Variants in TMED1 observed in about 807,000 individuals in gnomAD.
The protein encoded by TMED1 is transmembrane p24 trafficking protein 1.
Under a neutral mutation model 21.2 loss-of-function variants are expected in TMED1, and 20 were observed. That is an observed-to-expected ratio of 0.95 (90% CI 0.67 to 1.37). The LOEUF (loss-of-function observed/expected upper bound fraction) is 1.37. Among genes scored for constraint, TMED1 ranks in the 40% most tolerant of loss-of-function variants. The pLI, the probability that TMED1 is intolerant of heterozygous loss-of-function variation, is 0.00. For synonymous variants in TMED1, 149 were observed against 134.7 expected (o/e 1.11, Z -0.74); for missense variants, 316 against 309.8 (o/e 1.02, Z -0.15).
chr19:10,833,232 G>T lies in TMED1; in HGVS notation c.466-19C>A. 1 of 1,595,032 alleles carries T rather than the reference G, an allele frequency of 6.3e-7. No homozygotes were observed. On this transcript the variant is annotated intron_variant, in intron 3 of 3. Transcript: ENST00000214869. Reference sequence around the variant, plus strand: ...TGGACTCCTACAGGGCAGCGGGAGGGGAAGGGTCAGGCCTCCCTCCACCCA... The same window carrying T: ...TGGACTCCTACAGGGCAGCGGGAGGTGAAGGGTCAGGCCTCCCTCCACCCA...
In TMED1 at chr19:10,833,063, G is replaced by C; in HGVS notation, c.616C>G (p.Leu206Val). ...GTGCAGACCTGCAGCACAGCCACCA[G>C]CAGCAGCACCGCCACGTTGACAGCT... ...WSAVNVAVLL[L>V]VAVLQVCTLK... The change falls in exon 4 of 4, where the codon CTG becomes GTG. Residue 206 changes from leucine to valine, a missense_variant. Coordinates refer to ENST00000214869, the MANE Select transcript of TMED1 (RefSeq NM_006858.4). 6.2e-7 allele frequency: 1 copy of C among 1,613,980 alleles called. No individual in the cohort carries two copies. Among genetic ancestry groups the C allele is most frequent in the Non-Finnish European group, 8.5e-7 (1 of 1,180,048 alleles).
Position 10,836,177 on chromosome 19 carries a change from G to T in TMED1, c.15C>A (p.Gly5=). The change falls in exon 1 of 4, where the codon GGC becomes GGA. Residue 5 remains glycine, a synonymous_variant. Transcript: ENST00000214869. MMAA[G]AALALALWLL... is the part of the protein sequence containing the mutation. ...GCCACAAGGCCAGGGCTAGGGCCGC[G>T]CCGGCCGCCATCATCCGGGTCACCC... The T allele has an allele frequency of 6.4e-7, 1 of 1,551,894 alleles. No homozygotes were observed.
Position 10,832,191 on chromosome 19 carries a change from C to A in TMED1, c.*804G>T. ...TGGTGAAGCGGGGACCCCAGCGCTC[C>A]ACCCCCTTCCTACCCTCAGGCCCTG... is the stretch of plus-strand genomic sequence containing the variant. On this transcript the variant is annotated 3_prime_UTR_variant, in exon 4 of 4. Coordinates refer to ENST00000214869, the MANE Select transcript of TMED1 (RefSeq NM_006858.4). 1 of 968,974 alleles carries A rather than the reference C, an allele frequency of 1.0e-6. No homozygotes were observed. Among genetic ancestry groups the A allele is most frequent in the Non-Finnish European group, 1.4e-6 (1 of 698,920 alleles). The allele number at this position is 968,974 out of a possible 1,614,324, so 60.0% of individuals were successfully genotyped here.
chr19:10,834,968 T>G lies in TMED1; in HGVS notation c.431A>C (p.Glu144Ala), dbSNP rs1398407071. The G allele has an allele frequency of 1.9e-6, 3 of 1,614,132 alleles. No homozygotes were observed. Among genetic ancestry groups the G allele is most frequent in the Non-Finnish European group, 2.5e-6 (3 of 1,179,976 alleles). The change falls in exon 3 of 4, where the codon GAG (glutamate) becomes GCG (alanine). Residue 144 changes from glutamate to alanine, a missense_variant. By Grantham distance (107) the Glu-to-Ala change is moderately radical. Coordinates refer to ENST00000214869, the MANE Select transcript of TMED1 (RefSeq NM_006858.4). ...VEGWAEAVEPEEMLDVKMEDI... is the reference protein window; with the variant it reads ...VEGWAEAVEPAEMLDVKMEDI... Reference sequence around the variant, plus strand: ...CTCCATTTTAACATCCAGCATCTCCTCGGGCTCCACAGCCTCTGCCCATCC... The same window carrying G: ...CTCCATTTTAACATCCAGCATCTCCGCGGGCTCCACAGCCTCTGCCCATCC...
In TMED1 at chr19:10,835,291, C is replaced by T; in HGVS notation, c.246G>A (p.Leu82=). ...FTLESPQGVL[L]VSESRKADGV... ...CATCAGCCTTGCGGGACTCGCTGAC[C>T]AACAGCACGCCCTGAGGGCTCTCCA... Residue 82 remains leucine, a synonymous_variant, in exon 2 of 4, where the codon TTG becomes TTA. Coordinates refer to ENST00000214869, the MANE Select transcript of TMED1 (RefSeq NM_006858.4). 2 of 1,614,034 alleles carry T rather than the reference C, an allele frequency of 1.2e-6. No homozygotes were observed. Among genetic ancestry groups the T allele is most frequent in the Non-Finnish European group, 1.7e-6 (2 of 1,179,988 alleles).
In TMED1 at chr19:10,836,137, C is replaced by G; in HGVS notation, c.55G>C (p.Val19Leu). The change falls in exon 1 of 4, where the codon GTG becomes CTG. Residue 19 changes from valine (V) to leucine (L), a missense_variant. Val to Leu is a conservative substitution (Grantham distance 32). Coordinates refer to ENST00000214869, the MANE Select transcript of TMED1 (RefSeq NM_006858.4). Reference protein sequence around the residue: ...ALALWLLMPPVEVGGAGPPPI... With the variant: ...ALALWLLMPPLEVGGAGPPPI... ...GGGGGCCCCGCCCCTCCCACCTCCA[C>G]TGGTGGCATTAGTAGCCACAAGGCC... The G allele has an allele frequency of 1.3e-6, 2 of 1,566,422 alleles. No individual in the cohort carries two copies. Among genetic ancestry groups the G allele is most frequent in the Non-Finnish European group, 1.7e-6 (2 of 1,156,830 alleles).
rs371185528 is a variant in TMED1, at chr19:10,833,049, C to T, written c.630G>A (p.Leu210=). The change falls in exon 4 of 4, where the codon CTG becomes CTA. Residue 210 remains leucine, a synonymous_variant. Transcript: ENST00000214869. The stretch of plus-strand genomic sequence containing the variant: ...AGAAGCGCTTGAGCGTGCAGACCTG[C>T]AGCACAGCCACCAGCAGCAGCACCG... The part of the protein sequence containing the change: ...NVAVLLLVAV[L]QVCTLKRFFQ... 6.2e-7 allele frequency: 1 copy of T among 1,613,766 alleles called. No individual in the cohort carries two copies. The highest frequency in any genetic ancestry group is 1.3e-5 in the African/African-American group (1 of 74,956).
At position 10,832,751 on chromosome 19, in the gene TMED1, C is replaced by T. The variant is rs560429798; in HGVS notation, c.*244G>A. 3 of 601,898 alleles carry T rather than the reference C, an allele frequency of 5.0e-6. No individual in the cohort carries two copies. The highest frequency in any genetic ancestry group is 5.9e-5 in the Admixed American group (2 of 33,916). 37.3% of individuals were successfully genotyped at this position (601,898 alleles called of 1,614,324 possible). On this transcript the variant is annotated 3_prime_UTR_variant, in exon 4 of 4. Transcript: ENST00000214869. ...AGGAAATCCGAGGCTCACGTTCCAACGCTGCAGTGCCCACCATGTGAGATT... is the reference window on the plus strand; with the variant it reads ...AGGAAATCCGAGGCTCACGTTCCAATGCTGCAGTGCCCACCATGTGAGATT...
intron 3 of TMED1, among the ~76,000 whole-genome samples, chr19:10,834,174 GTAGT>G (rs1288587599): frequency 3.9e-5 from 6 of 152,188 alleles, no homozygotes; most frequent in African/African-American, 1.4e-4. Context: ...AAATAAATAA[GTAGT>G]TAATTAAAAT....
intron 1 of TMED1, 21 bp downstream of exon 1, chr19:10,835,988 G>T: frequency 1.3e-6 from 2 of 1,553,324 alleles, no homozygotes; most frequent in Non-Finnish European, 1.7e-6. Flanking sequence ...TCTGCTGGCC[G>T]CCCAGCCCGC....
At position 10,832,840 on chromosome 19, in the gene TMED1, C is replaced by G; in HGVS notation, c.*155G>C. 2 of 808,072 alleles carry G rather than the reference C, an allele frequency of 2.5e-6. No individual in the cohort carries two copies. Among genetic ancestry groups the G allele is most frequent in the Non-Finnish European group, 3.9e-6 (2 of 515,152 alleles). 50.1% of individuals were successfully genotyped at this position (808,072 alleles called of 1,614,324 possible). A position where few individuals can be genotyped will look rare whatever the true frequency, so the allele number is the denominator to read the frequency against. ...ACAAGCCAGAGGTGTTCCCTGCCCGCTGAGGACGGAAGGAGACTCATGGGG... is the reference window on the plus strand; with the variant it reads ...ACAAGCCAGAGGTGTTCCCTGCCCGGTGAGGACGGAAGGAGACTCATGGGG... On this transcript the variant is annotated 3_prime_UTR_variant, in exon 4 of 4. Coordinates refer to ENST00000214869, the MANE Select transcript of TMED1 (RefSeq NM_006858.4).
chr19:10,835,073 T>C lies in TMED1; in HGVS notation c.326A>G (p.Asn109Ser). 1 of 1,613,852 alleles carries C rather than the reference T, an allele frequency of 6.2e-7. No individual in the cohort carries two copies. The highest frequency in any genetic ancestry group is 1.1e-5 in the South Asian group (1 of 91,062). ...CTTCTCGGAGATGGTGCTGAAGGAG[T>C]TGTCAAAGCACAGCTTGTAGTCCCC... ...EAGDYKLCFDNSFSTISEKLV... is the reference protein window; with the variant it reads ...EAGDYKLCFDSSFSTISEKLV... The change falls in exon 3 of 4, where the codon AAC becomes AGC. Residue 109 changes from asparagine (N) to serine (S), a missense_variant. Physicochemically the swap from Asn to Ser is conservative, Grantham distance 46 (BLOSUM62 1). Transcript: ENST00000214869.
chr19:10,833,689 G>C (rs1454818464), intron 3 of TMED1, among the ~76,000 whole-genome samples: 2 of 152,114 alleles, frequency 1.3e-5, no homozygotes, highest in Non-Finnish European at 2.9e-5. Flanking sequence ...AAACACAGGA[G>C]GATCACTTAA....
In TMED1 at chr19:10,836,188, T is replaced by A; in HGVS notation, c.4A>T (p.Met2Leu). Residue 2 changes from methionine to leucine, a missense_variant, in exon 1 of 4, where the codon ATG (methionine) becomes TTG (leucine). Coordinates refer to ENST00000214869, the MANE Select transcript of TMED1 (RefSeq NM_006858.4). The part of the protein sequence containing the change: M[M>L]AAGAALALAL... The stretch of plus-strand genomic sequence containing the variant: ...AGGGCTAGGGCCGCGCCGGCCGCCA[T>A]CATCCGGGTCACCCTCTGGTCTGCA... 1 of 1,549,982 alleles carries A rather than the reference T, an allele frequency of 6.5e-7. No homozygotes were observed. Among genetic ancestry groups the A allele is most frequent in the Admixed American group, 2.1e-5 (1 of 48,374 alleles).
Position 10,835,301 on chromosome 19 carries a change from C to T in TMED1, c.236G>A (p.Gly79Asp). 6.2e-7 allele frequency: 1 copy of T among 1,614,000 alleles called. No individual in the cohort carries two copies. Among genetic ancestry groups the T allele is most frequent in the Non-Finnish European group, 8.5e-7 (1 of 1,179,978 alleles). Residue 79 changes from glycine (G) to aspartate (D), a missense_variant, in exon 2 of 4, where the codon GGC becomes GAC. Transcript: ENST00000214869. Reference sequence around the variant, plus strand: ...GCGGGACTCGCTGACCAACAGCACGCCCTGAGGGCTCTCCAGCGTGAAGTC... The same window carrying T: ...GCGGGACTCGCTGACCAACAGCACGTCCTGAGGGCTCTCCAGCGTGAAGTC... ...DVDFTLESPQ[G>D]VLLVSESRKA... is the part of the protein sequence containing the mutation.
chr19:10,832,552 T>G lies in TMED1; in HGVS notation c.*443A>C. On this transcript the variant is annotated 3_prime_UTR_variant, in exon 4 of 4. Transcript: ENST00000214869. ...ATCCCTCATGCCTGTGTGGGGCCCC[T>G]GCAGGAGAGGGGCCGGGGCAGGTGG... The G allele has an allele frequency of 2.2e-6, 1 of 465,032 alleles. No individual in the cohort carries two copies. Among genetic ancestry groups the G allele is most frequent in the African/African-American group, 2.0e-5 (1 of 50,340 alleles). 28.8% of individuals were successfully genotyped at this position (465,032 alleles called of 1,614,324 possible). A position where few individuals can be genotyped will look rare whatever the true frequency, so the allele number is the denominator to read the frequency against.
At position 10,835,255 on chromosome 19, in the gene TMED1, C is replaced by G. The variant is rs747405707; in HGVS notation, c.281+1G>C. ...CAGGCAGGCATCAAGACTGAACTCACGTGTGTACCCCATCAGCCTTGCGGG... is the reference window on the plus strand; with the variant it reads ...CAGGCAGGCATCAAGACTGAACTCAGGTGTGTACCCCATCAGCCTTGCGGG... On this transcript the variant is annotated splice_donor_variant, in intron 2 of 3. Coordinates refer to ENST00000214869, the MANE Select transcript of TMED1 (RefSeq NM_006858.4). LOFTEE classifies it high-confidence loss of function. 1.4e-5 allele frequency: 23 copies of G among 1,614,132 alleles called. No homozygotes were observed. The highest frequency in any genetic ancestry group is 1.9e-5 in the Non-Finnish European group (22 of 1,180,014).
In TMED1 at chr19:10,832,161, C is replaced by A; in HGVS notation, c.*834G>T. ...ACCCCCACGTGCACAGGCCTGGCTGCTGCCTGGTGAAGCGGGGACCCCAGC... is the reference window on the plus strand; with the variant it reads ...ACCCCCACGTGCACAGGCCTGGCTGATGCCTGGTGAAGCGGGGACCCCAGC... On this transcript the variant is annotated 3_prime_UTR_variant, in exon 4 of 4. Coordinates refer to ENST00000214869, the MANE Select transcript of TMED1 (RefSeq NM_006858.4). The A allele has an allele frequency of 1.5e-6, 1 of 676,676 alleles. No homozygotes were observed. Among genetic ancestry groups the A allele is most frequent in the Non-Finnish European group, 2.3e-6 (1 of 441,292 alleles). 41.9% of individuals were successfully genotyped at this position (676,676 alleles called of 1,614,324 possible).
In TMED1 at chr19:10,832,852, G is replaced by A. The variant is rs1283200947; in HGVS notation, c.*143C>T. On this transcript the variant is annotated 3_prime_UTR_variant, in exon 4 of 4. Transcript: ENST00000214869. Reference sequence around the variant, plus strand: ...TGTTCCCTGCCCGCTGAGGACGGAAGGAGACTCATGGGGCCAGACCGCAGG... The same window carrying A: ...TGTTCCCTGCCCGCTGAGGACGGAAAGAGACTCATGGGGCCAGACCGCAGG... 3 of 891,168 alleles carry A rather than the reference G, an allele frequency of 3.4e-6. No individual in the cohort carries two copies. Among genetic ancestry groups the A allele is most frequent in the Non-Finnish European group, 5.1e-6 (3 of 584,072 alleles). The allele number at this position is 891,168 out of a possible 1,614,324, so 55.2% of individuals were successfully genotyped here.
Sources: gnomAD v4.1 joint callset for allele counts (sites outside exome capture counted in the v4.1 genomes callset) on GRCh38, gnomAD v4.1.1 for gene constraint, MANE v1.5 for transcripts, NCBI Gene and HGNC (gene_info 2026-07-23, HGNC 2026-07-21) for gene names.